MTHFD2L: variants seen among roughly 807,000 people sequenced by gnomAD.
MTHFD2L encodes bifunctional methylenetetrahydrofolate dehydrogenase/cyclohydrolase 2, mitochondrial.
MTHFD2L carries 29 observed loss-of-function variants against 34.9 expected under a neutral mutation model. That is an observed-to-expected ratio of 0.83 (90% CI 0.62 to 1.13). The LOEUF (loss-of-function observed/expected upper bound fraction) is 1.13, where lower values mean the gene tolerates loss of function less well. MTHFD2L is among the 50% of genes most tolerant of loss of function. The probability of loss-of-function intolerance (pLI) is 0.00; values close to 1 mark genes in which losing one functional copy is unlikely to be tolerated. For synonymous variants in MTHFD2L, 167 were observed against 155.7 expected (o/e 1.07, Z -0.54); for missense variants, 481 against 446.5 (o/e 1.08, Z -0.70).
At chr4:74,234,306 T>A (rs538749666) in intron 6 of MTHFD2L, among the ~76,000 whole-genome samples, 95 of 152,204 alleles carry the variant, frequency 6.2e-4, no homozygotes, top group Admixed American at 2.5e-3. Flanking sequence ...TTAACACTTA[T>A]GTTATCAATA....
intron 1 of MTHFD2L, among the ~76,000 whole-genome samples, chr4:74,172,501 T>C (rs931998401): frequency 4.6e-5 from 7 of 152,338 alleles, no homozygotes; most frequent in African/African-American, 1.4e-4. Context: ...TGTCTAGTTG[T>C]GATTGTATTG....
upstream of MTHFD2L, among the ~76,000 whole-genome samples, chr4:74,122,724 G>A (rs1248971962): frequency 6.6e-6 from 1 of 152,092 alleles, no homozygotes; most frequent in African/African-American, 2.4e-5. Flanking sequence ...AATCTGCATT[G>A]GATCCTGAAA....
At chr4:74,148,905 A>G (rs1272341672) in intron 1 of MTHFD2L, among the ~76,000 whole-genome samples, 4 of 151,826 alleles carry the variant, frequency 2.6e-5, no homozygotes, top group Non-Finnish European at 5.9e-5. Context: ...CCAAAAGGCT[A>G]TATTTCTTAG....
At chr4:74,228,692 C>T (rs1053651069) in intron 6 of MTHFD2L, among the ~76,000 whole-genome samples, 1 of 151,852 alleles carries the variant, frequency 6.6e-6, no homozygotes, top group African/African-American at 2.4e-5. Flanking sequence ...TTGTAAAGGC[C>T]TAAATCAGCC....
At chr4:74,190,964 G>A (rs1170704646) in intron 3 of MTHFD2L, among the ~76,000 whole-genome samples, 1 of 152,080 alleles carries the variant, frequency 6.6e-6, no homozygotes, top group Non-Finnish European at 1.5e-5. Flanking sequence ...GCAGTGGTGT[G>A]ATCTTGGCTC....
chr4:74,181,170 G>C (rs1220271480), intron 3 of MTHFD2L, among the ~76,000 whole-genome samples: 1 of 152,086 alleles, frequency 6.6e-6, no homozygotes, highest in Non-Finnish European at 1.5e-5. Flanking sequence ...TTGGTGCAGG[G>C]TGAATTTGAT....
intron 3 of MTHFD2L, among the ~76,000 whole-genome samples, chr4:74,178,199 C>T (rs905242186): frequency 6.6e-6 from 1 of 152,094 alleles, no homozygotes; most frequent in South Asian, 2.1e-4. Flanking sequence ...CTAATAACAA[C>T]ATACTATATA....
chr4:74,223,715 G>A (rs1029679735), intron 5 of MTHFD2L, among the ~76,000 whole-genome samples: 1 of 151,812 alleles, frequency 6.6e-6, no homozygotes, highest in Non-Finnish European at 1.5e-5. Flanking sequence ...GAGTTTATTG[G>A]TACATTGCTA....
At chr4:74,195,370 A>C (rs1263147551) in intron 3 of MTHFD2L, 1 of 152,246 alleles carries the variant, frequency 6.6e-6, no homozygotes, top group Non-Finnish European at 1.5e-5. Flanking sequence ...TTGCACATAT[A>C]GAAGAAGGAA....
At chr4:74,146,572 A>T (rs1008167152) in intron 1 of MTHFD2L, among the ~76,000 whole-genome samples, 3 of 152,222 alleles carry the variant, frequency 2.0e-5, no homozygotes, top group African/African-American at 7.2e-5. Context: ...GAATTTAACT[A>T]CCTTGTAAAA....
chr4:74,172,118 C>G (rs1048485837), intron 1 of MTHFD2L, among the ~76,000 whole-genome samples: 1 of 151,974 alleles, frequency 6.6e-6, no homozygotes, highest in Non-Finnish European at 1.5e-5. Flanking sequence ...TAATACAAAC[C>G]AATATATACT....
intron 1 of MTHFD2L, chr4:74,125,607 T>C (rs1240980672): frequency 3.3e-5 from 5 of 152,072 alleles, no homozygotes; most frequent in Non-Finnish European, 5.9e-5. Flanking sequence ...AGTTTAAGAG[T>C]TTTACCTAAT....
chr4:74,211,791 T>G (rs1056094611), intron 5 of MTHFD2L, among the ~76,000 whole-genome samples: 1 of 152,110 alleles, frequency 6.6e-6, no homozygotes, highest in Admixed American at 6.6e-5. Context: ...ATGGTAGAAT[T>G]GGGCTGTGAA....
At chr4:74,185,447 A>G (rs1025167374) in intron 3 of MTHFD2L, among the ~76,000 whole-genome samples, 1 of 152,044 alleles carries the variant, frequency 6.6e-6, no homozygotes, top group Non-Finnish European at 1.5e-5. Flanking sequence ...ATTAAACACA[A>G]CATAAAAACA....
In MTHFD2L at chr4:74,185,178, AAT is replaced by A. The variant is rs1730960567; in HGVS notation, c.451+9776_451+9777del. Among the ~76,000 whole-genome samples, 5 of 146,094 alleles carry A rather than the reference AAT, an allele frequency of 3.4e-5. 2 individuals are homozygous for A. Among genetic ancestry groups the A allele is most frequent in the African/African-American group, 1.4e-4 (5 of 36,908 alleles). On this transcript the variant is annotated intron_variant, in intron 3 of 7. Coordinates refer to ENST00000325278, the MANE Select transcript of MTHFD2L (RefSeq NM_001144978.3). ...AAAAAAAAAAAAAAAAAAAAAAAAAAATCTGGAAAATCCCTAAATATTTGAAA... is the reference window on the plus strand; with the variant it reads ...AAAAAAAAAAAAAAAAAAAAAAAAAACTGGAAAATCCCTAAATATTTGAAA...
chr4:74,189,029 A>T (rs943830811), intron 3 of MTHFD2L, among the ~76,000 whole-genome samples: 1 of 152,050 alleles, frequency 6.6e-6, no homozygotes, highest in Non-Finnish European at 1.5e-5. Flanking sequence ...TTGGAGCAGG[A>T]CGGAGAATGG....
intron 6 of MTHFD2L, among the ~76,000 whole-genome samples, chr4:74,238,582 A>C (rs1172388327): frequency 1.3e-5 from 2 of 152,194 alleles, no homozygotes; most frequent in African/African-American, 2.4e-5. Flanking sequence ...AAATTTTTGC[A>C]ATCTACCCAT....
At chr4:74,120,510 G>T (rs772785298), upstream of MTHFD2L, among the ~76,000 whole-genome samples, 1 of 152,186 alleles carries the variant, frequency 6.6e-6, no homozygotes, top group Non-Finnish European at 1.5e-5. Context: ...TGGACGGACC[G>T]ACTGCCATGA....
intron 6 of MTHFD2L, among the ~76,000 whole-genome samples, chr4:74,270,956 G>A (rs1042808595): frequency 6.6e-5 from 10 of 152,122 alleles, no homozygotes; most frequent in African/African-American, 2.4e-4. Context: ...TCTGTTGGCT[G>A]CATAAATGTC....
Sources: gnomAD v4.1 joint callset for allele counts (sites outside exome capture counted in the v4.1 genomes callset) on GRCh38, gnomAD v4.1.1 for gene constraint, MANE v1.5 for transcripts, NCBI Gene and HGNC (gene_info 2026-07-23, HGNC 2026-07-21) for gene names.